SH3BGRL2: variants seen among roughly 807,000 people sequenced by gnomAD.
The protein encoded by SH3BGRL2 is SH3 domain binding glutamate rich protein like 2.
SH3BGRL2 carries 21 observed loss-of-function variants against 14.8 expected under a neutral mutation model. That is an observed-to-expected ratio of 1.42 (90% confidence interval 1.01 to 2.05). The LOEUF (loss-of-function observed/expected upper bound fraction) is 2.05, where lower values mean the gene tolerates loss of function less well. Among genes scored for constraint, SH3BGRL2 ranks in the 30% most tolerant of loss-of-function variants. The probability of loss-of-function intolerance (pLI) is 0.00; values close to 1 mark genes in which losing one functional copy is unlikely to be tolerated. For synonymous variants in SH3BGRL2, 50 were observed against 47.8 expected (o/e 1.05, Z -0.19); for missense variants, 147 against 130.8 (o/e 1.12, Z -0.61).
At chr6:79,625,949 G>A in the SH3BGRL2 span, among the ~76,000 whole-genome samples, 6 of 152,140 alleles carry the variant, frequency 3.9e-5, no homozygotes, top group Admixed American at 2.0e-4. Context: ...CAAAGGTGCT[G>A]ACTCAGCTTT....
chr6:79,543,630 C>G, the SH3BGRL2 span, among the ~76,000 whole-genome samples: 5 of 152,232 alleles, frequency 3.3e-5, no homozygotes, highest in African/African-American at 1.2e-4. Flanking sequence ...GCAGCAGAAC[C>G]CTTTCTCAAG....
the SH3BGRL2 span, among the ~76,000 whole-genome samples, chr6:79,570,968 G>C: frequency 1.3e-5 from 2 of 152,172 alleles, no homozygotes; most frequent in African/African-American, 4.8e-5. Context: ...GCAACAAATG[G>C]AAGAACAAAT....
At chr6:79,667,736 C>T (rs923581380) in intron 1 of SH3BGRL2, among the ~76,000 whole-genome samples, 14 of 152,138 alleles carry the variant, frequency 9.2e-5, no homozygotes, top group African/African-American at 3.1e-4. Flanking sequence ...CGTGAGCCAC[C>T]GCTCCTGGCC....
chr6:79,544,335 G>A, the SH3BGRL2 span, among the ~76,000 whole-genome samples: 28 of 152,164 alleles, frequency 1.8e-4, no homozygotes, highest in African/African-American at 6.0e-4. Context: ...GAGTCCCAGT[G>A]AGGTGCTTAA....
chr6:79,682,963 C>T (rs1455694329), intron 2 of SH3BGRL2, among the ~76,000 whole-genome samples: 1 of 152,192 alleles, frequency 6.6e-6, no homozygotes, highest in Non-Finnish European at 1.5e-5. Context: ...GAAAACCGAA[C>T]ACTGCATGTT....
intron 2 of SH3BGRL2, 94 bp downstream of exon 2, chr6:79,673,893 A>C: frequency 7.7e-7 from 1 of 1,294,666 alleles, no homozygotes; most frequent in South Asian, 1.4e-5. Context: ...GAAGACTGTG[A>C]CTTCTTCACC....
At chr6:79,621,643 A>C in the SH3BGRL2 span, among the ~76,000 whole-genome samples, 1 of 152,198 alleles carries the variant, frequency 6.6e-6, no homozygotes. Flanking sequence ...GGCAGTCACT[A>C]TTTGTTGCCA....
Position 79,701,589 on chromosome 6 carries a change from A to T in SH3BGRL2, c.*2080A>T, listed in dbSNP as rs909765645. On this transcript the variant is annotated 3_prime_UTR_variant, in exon 4 of 4. Coordinates refer to ENST00000369838, the MANE Select transcript of SH3BGRL2 (RefSeq NM_031469.4). ...TAAATTACCATCACAGTTATGTGCC[A>T]TCTCCCCACCCCATTTTTTTTTTTT... The T allele has an allele frequency of 6.9e-6, 1 of 144,058 alleles. No homozygotes were observed. Among genetic ancestry groups the T allele is most frequent in the African/African-American group, 2.6e-5 (1 of 38,804 alleles). 8.9% of individuals were successfully genotyped at this position (144,058 alleles called of 1,614,324 possible).
the SH3BGRL2 span, among the ~76,000 whole-genome samples, chr6:79,612,592 T>G: frequency 5.3e-5 from 8 of 152,310 alleles, no homozygotes; most frequent in African/African-American, 1.9e-4. Flanking sequence ...ATCTGTGCAA[T>G]CCGAACCAGT....
At chr6:79,547,247 G>T in the SH3BGRL2 span, among the ~76,000 whole-genome samples, 2 of 148,516 alleles carry the variant, frequency 1.3e-5, no homozygotes, top group South Asian at 4.4e-4. Flanking sequence ...AGGTTTTGTG[G>T]TTCCATGAGT....
the SH3BGRL2 span, among the ~76,000 whole-genome samples, chr6:79,625,224 A>G: frequency 7.3e-5 from 10 of 137,372 alleles, no homozygotes; most frequent in East Asian, 2.1e-3. Flanking sequence ...ATACACACAC[A>G]TATATATATA....
At chr6:79,600,484 A>G in the SH3BGRL2 span, among the ~76,000 whole-genome samples, 2 of 152,168 alleles carry the variant, frequency 1.3e-5, no homozygotes, top group African/African-American at 4.8e-5. Flanking sequence ...CTGTGTGGTG[A>G]AGGACACTCT....
the SH3BGRL2 span, among the ~76,000 whole-genome samples, chr6:79,564,665 A>G: frequency 6.6e-6 from 1 of 152,110 alleles, no homozygotes; most frequent in African/African-American, 2.4e-5. Flanking sequence ...CTATATTTTC[A>G]TTTTAAAAAC....
At chr6:79,629,387 G>C (rs1768782404), upstream of SH3BGRL2, among the ~76,000 whole-genome samples, 1 of 152,004 alleles carries the variant, frequency 6.6e-6, no homozygotes, top group Non-Finnish European at 1.5e-5. Flanking sequence ...CTCACTCCTA[G>C]ATCAATAAGC....
intron 1 of SH3BGRL2, among the ~76,000 whole-genome samples, chr6:79,636,256 G>T (rs958793785): frequency 5.3e-5 from 8 of 152,216 alleles, no homozygotes; most frequent in African/African-American, 9.6e-5. Flanking sequence ...AGCTGCTAGA[G>T]TAGAAGTTCT....
the SH3BGRL2 span, among the ~76,000 whole-genome samples, chr6:79,538,152 A>AG: frequency 2.6e-5 from 1 of 38,984 alleles, no homozygotes; most frequent in African/African-American, 2.1e-4. Flanking sequence ...CAGGGAAGGT[A>AG]AAAAAAAATC....
chr6:79,669,275 T>C (rs1416064645), intron 1 of SH3BGRL2, among the ~76,000 whole-genome samples: 1 of 152,084 alleles, frequency 6.6e-6, no homozygotes, highest in Non-Finnish European at 1.5e-5. Flanking sequence ...TAGAGAGGGC[T>C]CTTTGAAGAG....
At chr6:79,683,009 T>C (rs886479258) in intron 2 of SH3BGRL2, among the ~76,000 whole-genome samples, 1 of 152,012 alleles carries the variant, frequency 6.6e-6, no homozygotes, top group Non-Finnish European at 1.5e-5. Context: ...ATGAGATCAT[T>C]TGGACACAGG....
chr6:79,596,040 A>G, the SH3BGRL2 span, among the ~76,000 whole-genome samples: 178 of 152,352 alleles, frequency 1.2e-3, 1 homozygote, highest in African/African-American at 4.1e-3. Flanking sequence ...ATAAACAAAC[A>G]AAATAAAATT....
Sources: gnomAD v4.1 joint callset for allele counts (sites outside exome capture counted in the v4.1 genomes callset) on GRCh38, gnomAD v4.1.1 for gene constraint, MANE v1.5 for transcripts, NCBI Gene and HGNC (gene_info 2026-07-23, HGNC 2026-07-21) for gene names.